The following ERICH3 variants were observed in gnomAD, a reference collection of about 807,000 sequenced individuals.
ERICH3 encodes glutamate-rich protein 3.
Under a neutral mutation model 131.1 loss-of-function variants are expected in ERICH3, and 126 were observed. The observed-to-expected ratio is 0.96, with a 90% CI of 0.83 to 1.11. ERICH3 has a LOEUF of 1.11. Among genes scored for constraint, ERICH3 ranks in the 50% most tolerant of loss-of-function variants. ERICH3 has a pLI of 0.00. For missense variants in ERICH3, 2,050 were observed against 1,810.7 expected (o/e 1.13, Z -2.40); for synonymous variants, 695 against 644.6 (o/e 1.08, Z -1.18).
rs931034427 is a variant in ERICH3 at position 74,599,987 on chromosome 1, C to T, written c.1490-56G>A. 6 of 1,233,934 alleles carry T rather than the reference C, an allele frequency of 4.9e-6. No individual in the cohort carries two copies. The African/African-American group carries it at 7.6e-5, about 16-fold the overall frequency. 76.4% of individuals were successfully genotyped at this position (1,233,934 alleles called of 1,614,324 possible). On this transcript the variant is annotated intron_variant, in intron 10 of 14. Coordinates refer to ENST00000326665, the MANE Select transcript of ERICH3 (RefSeq NM_001002912.5). The stretch of plus-strand genomic sequence containing the variant: ...GAAAATAGAACCCCTTATACTTAAC[C>T]TATTTCTCTCTAATGAGAACTTTGA...
chr1:74,631,300 G>A (rs1005550315), intron 7 of ERICH3, among the ~76,000 whole-genome samples: 1 of 152,018 alleles, frequency 6.6e-6, no homozygotes, highest in African/African-American at 2.4e-5. Context: ...ATTTATCTAT[G>A]TATGATACAG....
chr1:74,571,969 AT>A lies in ERICH3; in HGVS notation c.3740del (p.Asp1247ValfsTer22). 6.2e-7 allele frequency: 1 copy of A among 1,613,762 alleles called. No homozygotes were observed. ...CCTCCAGTCCTGCGCAGGAGTCGTGATCTTTGGCTGCTAGCTCCTCTGCCTG... is the reference window on the plus strand; with the variant it reads ...CCTCCAGTCCTGCGCAGGAGTCGTGACTTTGGCTGCTAGCTCCTCTGCCTG... ...TGQAEELAAKDHDSCAGLEGR... is the reference protein window; with the variant it reads ...TGQAEELAAKXHDSCAGLEGR... On this transcript the variant is annotated frameshift_variant, in exon 14 of 15. Transcript: ENST00000326665. LOFTEE classifies it high-confidence loss of function.
chr1:74,606,786 C>G lies in ERICH3; in HGVS notation c.1304G>C (p.Arg435Thr), dbSNP rs750353829. Residue 435 changes from arginine to threonine, a missense_variant, in exon 10 of 15, where the codon AGA becomes ACA. By Grantham distance (71) the Arg-to-Thr change is moderately conservative. Transcript: ENST00000326665. ...KKAEGKVRKE[R>T]EYVIPKRNEI... ...ATTTCTTTTTGGTATCACATACTCT[C>G]TCTCTTTCCTCACTTTCCCCTCAGC... 12 of 1,613,246 alleles carry G rather than the reference C, an allele frequency of 7.4e-6. No individual in the cohort carries two copies. Among genetic ancestry groups the G allele is most frequent in the Non-Finnish European group, 9.3e-6 (11 of 1,179,546 alleles).
intron 12 of ERICH3, among the ~76,000 whole-genome samples, chr1:74,587,496 T>C (rs557797353): frequency 1.3e-5 from 2 of 152,058 alleles, no homozygotes; most frequent in Non-Finnish European, 2.9e-5. Context: ...AATAAGCCAA[T>C]ACACTTTTCA....
At chr1:74,632,298 T>C (rs1262697019) in intron 6 of ERICH3, among the ~76,000 whole-genome samples, 2 of 152,100 alleles carry the variant, frequency 1.3e-5, no homozygotes, top group Non-Finnish European at 2.9e-5. Context: ...AGGACTTTTT[T>C]CATATTCTTA....
chr1:74,669,485 C>G (rs1296110343), intron 1 of ERICH3, among the ~76,000 whole-genome samples: 2 of 152,120 alleles, frequency 1.3e-5, no homozygotes, highest in Non-Finnish European at 2.9e-5. Flanking sequence ...TATAAAACCA[C>G]CATTCCACCT....
intron 1 of ERICH3, among the ~76,000 whole-genome samples, chr1:74,651,291 A>G (rs1242899528): frequency 1.3e-5 from 2 of 152,132 alleles, no homozygotes; most frequent in East Asian, 1.9e-4. Flanking sequence ...CATCCTCAAA[A>G]GAGACTGAAA....
chr1:74,582,149 G>A (rs1375493611), intron 12 of ERICH3, among the ~76,000 whole-genome samples: 58 of 152,134 alleles, frequency 3.8e-4, no homozygotes, highest in Admixed American at 3.8e-3. Flanking sequence ...TGGCAACAGT[G>A]GAGAACACTG....
At chr1:74,648,775 C>A (rs969424066) in intron 2 of ERICH3, among the ~76,000 whole-genome samples, 5 of 152,114 alleles carry the variant, frequency 3.3e-5, no homozygotes, top group Non-Finnish European at 7.4e-5. Context: ...AATAAACCAT[C>A]ACAGGAAGTA....
intron 1 of ERICH3, among the ~76,000 whole-genome samples, chr1:74,667,738 C>A (rs778469114): frequency 3.9e-5 from 6 of 152,098 alleles, no homozygotes; most frequent in Non-Finnish European, 7.4e-5. Context: ...GTTAGAGATG[C>A]TTTTTCTCAG....
chr1:74,672,269 T>C (rs1646749134), intron 1 of ERICH3, among the ~76,000 whole-genome samples: 1 of 152,180 alleles, frequency 6.6e-6, no homozygotes, highest in Admixed American at 6.5e-5. Context: ...CGTAGCATCT[T>C]ACATGACCCA....
At chr1:74,607,298 C>A (rs999826168) in intron 9 of ERICH3, among the ~76,000 whole-genome samples, 21 of 151,736 alleles carry the variant, frequency 1.4e-4, no homozygotes, top group African/African-American at 4.4e-4. Flanking sequence ...TATCTCAAGT[C>A]CTTAAATGAG....
chr1:74,625,767 T>C (rs566090480), intron 7 of ERICH3: 1 of 152,126 alleles, frequency 6.6e-6, no homozygotes, highest in Non-Finnish European at 1.5e-5. Flanking sequence ...AGTATATAGA[T>C]GATTGCAATA....
In ERICH3 at chr1:74,606,802, T is replaced by C. The variant is rs1250762628; in HGVS notation, c.1288A>G (p.Lys430Glu). Reference protein sequence around the residue: ...KGEELKKAEGKVRKEREYVIP... With the variant: ...KGEELKKAEGEVRKEREYVIP... ...ACATACTCTCTCTCTTTCCTCACTTTCCCCTCAGCCTTCTTCAGTTCCTCT... is the reference window on the plus strand; with the variant it reads ...ACATACTCTCTCTCTTTCCTCACTTCCCCCTCAGCCTTCTTCAGTTCCTCT... Residue 430 changes from lysine (K) to glutamate (E), a missense_variant, in exon 10 of 15, where the codon AAA becomes GAA. Physicochemically the swap from Lys to Glu is moderately conservative, Grantham distance 56 (BLOSUM62 1). Coordinates refer to ENST00000326665, the MANE Select transcript of ERICH3 (RefSeq NM_001002912.5). 2 of 1,613,254 alleles carry C rather than the reference T, an allele frequency of 1.2e-6. No individual in the cohort carries two copies. Among genetic ancestry groups the C allele is most frequent in the African/African-American group, 1.3e-5 (1 of 74,838 alleles).
In ERICH3 at chr1:74,580,911, C is replaced by T. The variant is rs150552682; in HGVS notation, c.2177-3975G>A. On this transcript the variant is annotated intron_variant, in intron 12 of 14. Transcript: ENST00000326665. Reference sequence around the variant, plus strand: ...ACCCAATAAGTAGTTTTTCAATCCACGGCCCCCTTTCACTTTCCCCGCCTG... The same window carrying T: ...ACCCAATAAGTAGTTTTTCAATCCATGGCCCCCTTTCACTTTCCCCGCCTG... Among the ~76,000 whole-genome samples the T allele has an allele frequency of 2.2e-3, 339 of 152,244 alleles. 4 individuals are homozygous for T. The highest frequency in any genetic ancestry group is 1.0e-3 in the Non-Finnish European group (71 of 68,002).
At chr1:74,587,760 T>C (rs965271481) in intron 12 of ERICH3, among the ~76,000 whole-genome samples, 1 of 152,234 alleles carries the variant, frequency 6.6e-6, no homozygotes, top group Admixed American at 6.5e-5. Context: ...TCAGCTTGTA[T>C]ACATTTTCTA....
At chr1:74,574,382 G>A (rs951134477) in intron 13 of ERICH3, among the ~76,000 whole-genome samples, 1 of 152,128 alleles carries the variant, frequency 6.6e-6, no homozygotes, top group African/African-American at 2.4e-5. Context: ...ATTATACAGT[G>A]TGAACTGATG....
intron 1 of ERICH3, among the ~76,000 whole-genome samples, chr1:74,662,459 GA>G (rs1048250600): frequency 6.7e-6 from 1 of 149,884 alleles, no homozygotes; most frequent in South Asian, 2.1e-4. Flanking sequence ...GACTTCAACA[GA>G]AAAAAAAATG....
intron 9 of ERICH3, among the ~76,000 whole-genome samples, chr1:74,608,535 C>G (rs567476311): frequency 6.6e-6 from 1 of 152,102 alleles, no homozygotes; most frequent in South Asian, 2.1e-4. Flanking sequence ...AAATTTCAGC[C>G]ATCTGCAGCG....
Sources: gnomAD v4.1 joint callset for allele counts (sites outside exome capture counted in the v4.1 genomes callset) on GRCh38, gnomAD v4.1.1 for gene constraint, MANE v1.5 for transcripts, NCBI Gene and HGNC (gene_info 2026-07-23, HGNC 2026-07-21) for gene names.